The following GLIPR1L1 variants were observed in gnomAD, a reference collection of about 807,000 sequenced individuals.
GLIPR1L1 encodes the protein GLIPR1-like protein 1.
GLIPR1L1 carries 26 observed loss-of-function variants against 29.9 expected under a neutral mutation model. The ratio of observed to expected loss-of-function variants is 0.87; its 90% CI spans 0.64 to 1.21. GLIPR1L1 has a LOEUF of 1.21. Among genes scored for constraint, GLIPR1L1 ranks in the 50% most tolerant of loss-of-function variants. GLIPR1L1 has a pLI of 0.00. For missense variants in GLIPR1L1, 305 were observed against 290.3 expected (o/e 1.05, Z -0.37); for synonymous variants, 77 against 97.5 (o/e 0.79, Z 1.24).
At chr12:75,368,329 T>C (rs1181172344) in intron 4 of GLIPR1L1, among the ~76,000 whole-genome samples, 1 of 151,386 alleles carries the variant, frequency 6.6e-6, no homozygotes, top group Non-Finnish European at 1.5e-5. Context: ...ATTATTTTGC[T>C]GAGTTTTTAA....
chr12:75,335,883 T>G (rs1257652989), intron 1 of GLIPR1L1, among the ~76,000 whole-genome samples: 1 of 152,012 alleles, frequency 6.6e-6, no homozygotes, highest in Non-Finnish European at 1.5e-5. Context: ...ATATTAGTAT[T>G]AATATGGTTG....
intron 3 of GLIPR1L1, among the ~76,000 whole-genome samples, chr12:75,350,856 T>C (rs1369444874): frequency 6.6e-6 from 1 of 152,066 alleles, no homozygotes; most frequent in East Asian, 1.9e-4. Flanking sequence ...GATGGACGAA[T>C]TGACAAAAAT....
intron 3 of GLIPR1L1, among the ~76,000 whole-genome samples, chr12:75,361,819 C>G (rs771403496): frequency 3.3e-5 from 5 of 152,154 alleles, no homozygotes; most frequent in Non-Finnish European, 7.4e-5. Flanking sequence ...TTGGGGCTTA[C>G]AGGTTCCTCC....
At chr12:75,362,495 T>A (rs1048236638) in intron 3 of GLIPR1L1, among the ~76,000 whole-genome samples, 1 of 152,160 alleles carries the variant, frequency 6.6e-6, no homozygotes, top group Non-Finnish European at 1.5e-5. Flanking sequence ...CAAATGCCCA[T>A]CAATGGAAGA....
intron 4 of GLIPR1L1, among the ~76,000 whole-genome samples, chr12:75,367,485 G>C (rs1197527533): frequency 2.0e-5 from 3 of 151,842 alleles, no homozygotes; most frequent in Admixed American, 2.0e-4. Context: ...CAGGGTCAGA[G>C]TCATCAATAT....
intron 1 of GLIPR1L1, 72 bp downstream of exon 1, chr12:75,334,974 G>A: frequency 7.1e-7 from 1 of 1,414,546 alleles, no homozygotes; most frequent in Non-Finnish European, 9.7e-7. Context: ...AAATTTCACG[G>A]ACTTAACTTG....
chr12:75,364,275 G>T (rs1248421478), intron 4 of GLIPR1L1, among the ~76,000 whole-genome samples: 4 of 152,176 alleles, frequency 2.6e-5, no homozygotes, highest in Admixed American at 6.5e-5. Context: ...GTTAACTTTG[G>T]AATGCACCTT....
intron 1 of GLIPR1L1, 88 bp downstream of exon 1, chr12:75,334,990 A>G: frequency 7.8e-7 from 1 of 1,288,642 alleles, no homozygotes; most frequent in Non-Finnish European, 1.1e-6. Flanking sequence ...ACTTGTACTA[A>G]TTCAATCCGG....
intron 2 of GLIPR1L1, among the ~76,000 whole-genome samples, chr12:75,347,286 T>G (rs1328517906): frequency 6.6e-6 from 1 of 152,144 alleles, no homozygotes; most frequent in African/African-American, 2.4e-5. Flanking sequence ...ATATTGTTTG[T>G]ATGATATTCC....
chr12:75,357,236 T>C (rs1028632040), intron 3 of GLIPR1L1, among the ~76,000 whole-genome samples: 1 of 152,074 alleles, frequency 6.6e-6, no homozygotes, highest in Non-Finnish European at 1.5e-5. Flanking sequence ...TATCAGAAAA[T>C]GTAGATTTCA....
At chr12:75,341,409 C>CAAA (rs1256226495) in intron 1 of GLIPR1L1, among the ~76,000 whole-genome samples, 7 of 152,140 alleles carry the variant, frequency 4.6e-5, no homozygotes, top group African/African-American at 1.4e-4. Context: ...AAAATGGATA[C>CAAA]ATAGAGTAGG....
intron 4 of GLIPR1L1, chr12:75,367,073 C>A (rs1034715935): frequency 1.4e-6 from 1 of 698,184 alleles, no homozygotes; most frequent in African/African-American, 1.8e-5. Context: ...AATGCACAGA[C>A]AAGCCAACTG....
chr12:75,364,478 T>C (rs188062123), intron 4 of GLIPR1L1, among the ~76,000 whole-genome samples: 1 of 152,324 alleles, frequency 6.6e-6, no homozygotes, highest in East Asian at 1.9e-4. Context: ...GGAACCCCTA[T>C]TGCCAAGGGA....
At chr12:75,350,147 C>A (rs1473787548) in intron 3 of GLIPR1L1, among the ~76,000 whole-genome samples, 1 of 152,212 alleles carries the variant, frequency 6.6e-6, no homozygotes, top group African/African-American at 2.4e-5. Flanking sequence ...CTTCTTTAAG[C>A]GAGACCCTGA....
At chr12:75,347,787 A>T in intron 3 of GLIPR1L1, 65 bp downstream of exon 3, 1 of 1,010,242 alleles carries the variant, frequency 9.9e-7, no homozygotes, top group Non-Finnish European at 1.5e-6. Context: ...GCCAAATAAG[A>T]GGACCTTATA....
chr12:75,336,463 T>G (rs1056603858), intron 1 of GLIPR1L1, among the ~76,000 whole-genome samples: 2 of 151,662 alleles, frequency 1.3e-5, no homozygotes, highest in Admixed American at 6.6e-5. Context: ...AGTAAAAAGA[T>G]GGAAAAAATA....
intron 3 of GLIPR1L1, among the ~76,000 whole-genome samples, chr12:75,362,633 G>A (rs912004784): frequency 1.3e-5 from 2 of 152,078 alleles, no homozygotes; most frequent in Admixed American, 6.6e-5. Flanking sequence ...AAGAGGCTTT[G>A]AAAAATTTAT....
intron 1 of GLIPR1L1, among the ~76,000 whole-genome samples, chr12:75,337,543 C>G (rs1014994195): frequency 2.0e-5 from 3 of 151,784 alleles, no homozygotes; most frequent in Non-Finnish European, 4.4e-5. Flanking sequence ...AAAATTGACA[C>G]AATATTTTGA....
chr12:75,367,507 A>G (rs2044056796), intron 4 of GLIPR1L1, among the ~76,000 whole-genome samples: 1 of 150,812 alleles, frequency 6.6e-6, no homozygotes, highest in African/African-American at 2.4e-5. Context: ...ACCACCTTCC[A>G]TCTCCACGTC....
Sources: allele counts gnomAD v4.1 joint callset (sites outside exome capture counted in the v4.1 genomes callset), GRCh38; gene constraint gnomAD v4.1.1; transcripts MANE v1.5; gene names NCBI Gene and HGNC (gene_info 2026-07-23, HGNC 2026-07-21).